The following WNK2 variants were observed in gnomAD, a reference collection of about 807,000 sequenced individuals.
WNK2 encodes the protein serine/threonine-protein kinase WNK2.
WNK2 carries 67 observed loss-of-function variants against 192.1 expected under a neutral mutation model. The ratio of observed to expected loss-of-function variants is 0.35; its 90% CI spans 0.29 to 0.43. The LOEUF is 0.43. WNK2 is among the 20% of genes least tolerant of loss of function. WNK2 has a pLI of 1.00. For synonymous variants in WNK2, 1,439 were observed against 1,393.9 expected, an observed-to-expected ratio of 1.03 and a Z score of -0.72; for missense variants, 2,698 against 3,089.7, an observed-to-expected ratio of 0.87 and a Z score of 3.01.
At position 93,306,730 on chromosome 9, in the gene WNK2, G is replaced by GT. The variant is rs761246505; in HGVS notation, c.6215-45dup. 3 of 1,613,048 alleles carry GT rather than the reference G, an allele frequency of 1.9e-6. No individual in the cohort carries two copies. In the African/African-American group the frequency reaches 4.0e-5, roughly 21 times the overall value. On this transcript the variant is annotated intron_variant, in intron 26 of 29. Coordinates refer to ENST00000427277, the MANE Select transcript of WNK2 (RefSeq NM_006648.4). Reference sequence around the variant, plus strand: ...GTGGTAGCGTGTCCCAGTGTGTGCTGTTCTGCCTAACCCTGTGGTCTTGTG... The same window carrying GT: ...GTGGTAGCGTGTCCCAGTGTGTGCTGTTTCTGCCTAACCCTGTGGTCTTGTG...
At position 93,247,543 on chromosome 9, in the gene WNK2, A is replaced by C; in HGVS notation, c.1543A>C (p.Ile515Leu). The change falls in exon 8 of 30, where the codon ATT becomes CTT. Residue 515 changes from isoleucine to leucine, a missense_variant and splice_region_variant. By Grantham distance (5) the Ile-to-Leu change is conservative (BLOSUM62 2). This residue lies in a region of WNK2 where 230 missense variants were observed against 501.1 expected (regional missense o/e 0.46). Coordinates refer to ENST00000427277, the MANE Select transcript of WNK2 (RefSeq NM_006648.4). This position sits in a 1 kb window ranked among gnomAD's most constrained non-coding sequence, Gnocchi z 5.2. ...GCTGACAACATGACTGCCTTTACAG[A>C]TTGAGTCTGGATTCTTCCACGAGAG... ...ETPDEVAQEM[I>L]ESGFFHESDV... is the part of the protein sequence containing the mutation. 1 of 1,609,306 alleles carries C rather than the reference A, an allele frequency of 6.2e-7. No homozygotes were observed. The highest frequency in any genetic ancestry group is 8.5e-7 in the Non-Finnish European group (1 of 1,178,206).
At chr9:93,217,150 G>C (rs1005056141) in intron 2 of WNK2, among the ~76,000 whole-genome samples, 14 of 152,142 alleles carry the variant, frequency 9.2e-5, no homozygotes, top group South Asian at 2.1e-4. Context: ...GTAGAGATGG[G>C]GTTTCACCAT....
chr9:93,315,781 C>T (rs547658615), intron 28 of WNK2: 6 of 72,722 alleles, frequency 8.3e-5, no homozygotes, highest in Admixed American at 4.0e-4. Context: ...TTTGAAGACC[C>T]CTTGTGTGTG....
In WNK2 at chr9:93,297,963, C is replaced by A; in HGVS notation, c.5819C>A (p.Ala1940Glu). The change falls in exon 24 of 30, where the codon GCA becomes GAA. Residue 1940 changes from alanine to glutamate, a missense_variant. By Grantham distance (107) the Ala-to-Glu change is moderately radical. Transcript: ENST00000427277. Reference sequence around the variant, plus strand: ...CCCAACGTGGGCTTCTTCCACACGGCACCCCCCACTGGCCGCCGGAGAAAA... The same window carrying A: ...CCCAACGTGGGCTTCTTCCACACGGAACCCCCCACTGGCCGCCGGAGAAAA... Reference protein sequence around the residue: ...LPPNVGFFHTAPPTGRRRKTS... With the variant: ...LPPNVGFFHTEPPTGRRRKTS... The A allele has an allele frequency of 6.3e-7, 1 of 1,577,096 alleles. No homozygotes were observed. The highest frequency in any genetic ancestry group is 1.8e-5 in the Admixed American group (1 of 54,688).
intron 8 of WNK2, among the ~76,000 whole-genome samples, chr9:93,249,638 T>C (rs1842250046): frequency 6.6e-6 from 1 of 152,054 alleles, no homozygotes; most frequent in South Asian, 2.1e-4. Context: ...CACGCCCAGC[T>C]AATTTTTTTG....
Position 93,261,999 on chromosome 9 carries a change from C to T in WNK2, c.3252C>T (p.Pro1084=), listed in dbSNP as rs1437073024. Residue 1084 remains proline, a synonymous_variant, in exon 13 of 30, where the codon CCC becomes CCT. Transcript: ENST00000427277. The part of the protein sequence containing the change: ...ATVSASVQSV[P]TQTATLLPPA... ...TGTCTGCCTCTGTGCAGAGTGTGCC[C>T]ACCCAGACTGCCACACTTCTGCCAC... 6.2e-7 allele frequency: 1 copy of T among 1,611,760 alleles called. No homozygotes were observed. Among genetic ancestry groups the T allele is most frequent in the Admixed American group, 1.7e-5 (1 of 59,906 alleles).
intron 6 of WNK2, among the ~76,000 whole-genome samples, chr9:93,238,575 C>T (rs1840210525): frequency 1.3e-5 from 2 of 152,188 alleles, no homozygotes; most frequent in South Asian, 4.1e-4. Flanking sequence ...GGGACAGCCC[C>T]CTCCTTGGCT....
chr9:93,198,367 G>C (rs1015046119), intron 2 of WNK2, among the ~76,000 whole-genome samples: 3 of 152,240 alleles, frequency 2.0e-5, no homozygotes, highest in African/African-American at 7.2e-5. Flanking sequence ...TTGCTGGCAG[G>C]AGGAGGCTGA....
At chr9:93,194,281 A>G (rs542028774) in intron 2 of WNK2, among the ~76,000 whole-genome samples, 25 of 152,344 alleles carry the variant, frequency 1.6e-4, no homozygotes, top group South Asian at 4.1e-4. Context: ...AAGACAGGCC[A>G]CAGCTGGGGA....
At chr9:93,303,281 G>T (rs1851924188) in intron 26 of WNK2, among the ~76,000 whole-genome samples, 2 of 152,198 alleles carry the variant, frequency 1.3e-5, no homozygotes, top group Admixed American at 6.5e-5. Flanking sequence ...CAGATGCTGA[G>T]ATGGCACCTC....
At chr9:93,249,863 G>T (rs12554962) in intron 8 of WNK2, among the ~76,000 whole-genome samples, 17,623 of 146,246 alleles carry the variant, frequency 0.12, 1,132 homozygotes, top group Middle Eastern at 0.17. Context: ...CCGGGAGGTA[G>T]CAAATCACTT....
At chr9:93,256,668 T>C (rs1025320995) in intron 10 of WNK2, 11 of 676,656 alleles carry the variant, frequency 1.6e-5, no homozygotes, top group East Asian at 2.9e-5. Context: ...TGTGCGTGCA[T>C]AGTGTTCGCA....
chr9:93,278,431 TC>T (rs1847263245), intron 19 of WNK2, among the ~76,000 whole-genome samples: 1 of 152,192 alleles, frequency 6.6e-6, no homozygotes, highest in Admixed American at 6.5e-5. Context: ...GAATGTCTGT[TC>T]CTGCCAGCCA....
chr9:93,241,899 C>G (rs1234198618), intron 7 of WNK2, among the ~76,000 whole-genome samples: 1 of 152,212 alleles, frequency 6.6e-6, no homozygotes, highest in Non-Finnish European at 1.5e-5. Context: ...GCAGGTGGAA[C>G]TGGACTGCTC....
chr9:93,184,761 G>A (rs1430961992), intron 1 of WNK2, among the ~76,000 whole-genome samples, 167 bp from the exon 2 acceptor site: 1 of 151,998 alleles, frequency 6.6e-6, no homozygotes, highest in African/African-American at 2.4e-5. Context: ...CTCTGGTCCC[G>A]TCTGCAGCCC....
intron 26 of WNK2, chr9:93,300,355 C>A: frequency 1.9e-6 from 1 of 527,136 alleles, no homozygotes. Flanking sequence ...CCCCACACAG[C>A]GTGTGTGCAT....
At chr9:93,266,237 C>T (rs562144913) in intron 16 of WNK2, among the ~76,000 whole-genome samples, 3 of 152,230 alleles carry the variant, frequency 2.0e-5, no homozygotes, top group African/African-American at 4.8e-5. Flanking sequence ...TGTGAGGTAC[C>T]AGCTGTCCCT....
At position 93,217,269 on chromosome 9, in the gene WNK2, T is replaced by G. The variant is rs190820654; in HGVS notation, c.682-12427T>G. The stretch of plus-strand genomic sequence containing the variant: ...ACCGTGCCCAGCCCAAAAAATCTTT[T>G]AAGAAGATACTACGCCGCTGCCACG... On this transcript the variant is annotated intron_variant, in intron 2 of 29. Transcript: ENST00000427277. Among the ~76,000 whole-genome samples the G allele has an allele frequency of 2.3e-3, 356 of 152,338 alleles. 2 individuals carry two copies. Among genetic ancestry groups the G allele is most frequent in the African/African-American group, 7.6e-3 (314 of 41,576 alleles).
chr9:93,187,299 G>T (rs1310994880), intron 2 of WNK2, among the ~76,000 whole-genome samples: 1 of 152,162 alleles, frequency 6.6e-6, no homozygotes, highest in Non-Finnish European at 1.5e-5. Flanking sequence ...ATGGGGTGGA[G>T]CCTGGCCTCT....
Sources: gnomAD v4.1 joint callset for allele counts (sites outside exome capture counted in the v4.1 genomes callset) on GRCh38, gnomAD v4.1.1 for gene constraint, gnomAD v4.1.1 regional missense constraint, Gnocchi (gnomAD v3.1) non-coding constraint, MANE v1.5 for transcripts, NCBI Gene and HGNC (gene_info 2026-07-23, HGNC 2026-07-21) for gene names.